The following MTHFD2L variants were observed in gnomAD, a reference collection of about 807,000 sequenced individuals.
The protein encoded by MTHFD2L is bifunctional methylenetetrahydrofolate dehydrogenase/cyclohydrolase 2, mitochondrial.
Under a neutral mutation model 34.9 loss-of-function variants are expected in MTHFD2L, and 29 were observed. The ratio of observed to expected loss-of-function variants is 0.83; its 90% confidence interval spans 0.62 to 1.13. MTHFD2L has a LOEUF of 1.13. Ranked by LOEUF, MTHFD2L falls within the 50% of genes most tolerant of loss-of-function variation. The pLI, the probability that MTHFD2L is intolerant of heterozygous loss-of-function variation, is 0.00. For missense variants in MTHFD2L, 481 were observed against 446.5 expected (o/e 1.08, Z -0.70); for synonymous variants, 167 against 155.7 (o/e 1.07, Z -0.54).
chr4:74,248,883 GGA>G (rs1255653849), intron 6 of MTHFD2L, among the ~76,000 whole-genome samples: 28 of 150,536 alleles, frequency 1.9e-4, no homozygotes, highest in African/African-American at 6.3e-4. Context: ...CATTTGCTGA[GGA>G]GAGCTTTACT....
chr4:74,154,897 C>G (rs1353231588), upstream of MTHFD2L, among the ~76,000 whole-genome samples: 1 of 152,030 alleles, frequency 6.6e-6, no homozygotes, highest in African/African-American at 2.4e-5. Context: ...GTATATGTAA[C>G]CATCTGTATT....
chr4:74,176,247 A>G (rs1272343766), intron 3 of MTHFD2L, among the ~76,000 whole-genome samples: 1 of 152,010 alleles, frequency 6.6e-6, no homozygotes, highest in African/African-American at 2.4e-5. Flanking sequence ...ATGGTCAGCT[A>G]TTTCTCCTAC....
intron 1 of MTHFD2L, among the ~76,000 whole-genome samples, chr4:74,132,744 GA>G (rs1578231810): frequency 6.6e-6 from 1 of 151,752 alleles, no homozygotes; most frequent in African/African-American, 2.4e-5. Context: ...TAATAATAAT[GA>G]AAAAAATGCT....
chr4:74,290,515 A>G lies in MTHFD2L; in HGVS notation c.931+8965A>G, dbSNP rs1216669674. 2.0e-5 allele frequency among the ~76,000 whole-genome samples: 3 copies of G among 152,266 alleles called. No individual in the cohort carries two copies. In the East Asian group the frequency reaches 5.8e-4, roughly 29 times the overall value. ...TTTCACCACTCTGAGACTCAATTAT[A>G]TCATCTGAAAGATTGTGATAATAAT... On this transcript the variant is annotated intron_variant, in intron 7 of 7. Coordinates refer to ENST00000325278, the MANE Select transcript of MTHFD2L (RefSeq NM_001144978.3).
intron 7 of MTHFD2L, among the ~76,000 whole-genome samples, chr4:74,284,002 G>C (rs895556330): frequency 2.0e-5 from 3 of 152,150 alleles, no homozygotes; most frequent in African/African-American, 4.8e-5. Flanking sequence ...AAGTGTGGTG[G>C]CTGCTTTGTG....
intron 3 of MTHFD2L, chr4:74,194,771 G>T (rs1018347231): frequency 6.6e-6 from 1 of 152,288 alleles, no homozygotes; most frequent in East Asian, 1.9e-4. Flanking sequence ...CTCGAACCAT[G>T]TTCAAATAAG....
intron 6 of MTHFD2L, among the ~76,000 whole-genome samples, chr4:74,230,942 A>C (rs1413960139): frequency 6.6e-6 from 1 of 152,254 alleles, no homozygotes; most frequent in African/African-American, 2.4e-5. Context: ...GTAAACTCTG[A>C]AACTATATTC....
At chr4:74,266,000 A>G (rs557210953) in intron 6 of MTHFD2L, among the ~76,000 whole-genome samples, 42 of 152,280 alleles carry the variant, frequency 2.8e-4, no homozygotes, top group African/African-American at 9.4e-4. Flanking sequence ...TATGTGTTAG[A>G]TTCTGATATT....
chr4:74,257,255 A>C (rs537488514), intron 6 of MTHFD2L, among the ~76,000 whole-genome samples: 1 of 152,230 alleles, frequency 6.6e-6, no homozygotes, highest in South Asian at 2.1e-4. Context: ...CTTGGTTCTC[A>C]GCTTGAATGT....
intron 3 of MTHFD2L, among the ~76,000 whole-genome samples, chr4:74,191,988 G>A (rs1469167303): frequency 1.3e-5 from 2 of 152,036 alleles, no homozygotes; most frequent in Non-Finnish European, 2.9e-5. Context: ...CTATAAATTA[G>A]GGTTAATAGT....
intron 7 of MTHFD2L, among the ~76,000 whole-genome samples, chr4:74,284,294 A>G (rs1031320266): frequency 9.9e-5 from 15 of 152,172 alleles, no homozygotes; most frequent in African/African-American, 2.7e-4. Flanking sequence ...AGGGCAAAGG[A>G]TAAAATGTTG....
At chr4:74,146,320 T>C (rs1283841175) in intron 1 of MTHFD2L, among the ~76,000 whole-genome samples, 1 of 152,174 alleles carries the variant, frequency 6.6e-6, no homozygotes, top group Non-Finnish European at 1.5e-5. Flanking sequence ...CCTAAGTTAT[T>C]AAAAAATTAT....
intron 1 of MTHFD2L, chr4:74,160,272 C>G (rs1725141132): frequency 1.6e-5 from 6 of 365,690 alleles, no homozygotes; most frequent in South Asian, 1.1e-4. Context: ...TTGATAAACT[C>G]TTATCCCAGT....
intron 5 of MTHFD2L, among the ~76,000 whole-genome samples, chr4:74,214,189 A>G (rs1736810272): frequency 6.6e-6 from 1 of 151,750 alleles, no homozygotes; most frequent in African/African-American, 2.4e-5. Flanking sequence ...GTTATTACCC[A>G]CCTTCTGAAG....
rs1369222943 is a variant in MTHFD2L, at chr4:74,217,555, A to AATGACTCAG, written c.713-7744_713-7736dup. ...CCGTGACATGAACTAATATATTGGG[A>AATGACTCAG]ATGACTCAGATTTTCCGTATCCCGA... On this transcript the variant is annotated intron_variant, in intron 5 of 7. Coordinates refer to ENST00000325278, the MANE Select transcript of MTHFD2L (RefSeq NM_001144978.3). Among the ~76,000 whole-genome samples the AATGACTCAG allele has an allele frequency of 1.1e-4, 17 of 151,648 alleles. 2 individuals are homozygous for AATGACTCAG. Among genetic ancestry groups the AATGACTCAG allele is most frequent in the African/African-American group, 2.4e-4 (10 of 41,034 alleles).
chr4:74,176,675 C>T (rs1729111552), intron 3 of MTHFD2L, among the ~76,000 whole-genome samples: 1 of 151,946 alleles, frequency 6.6e-6, no homozygotes. Flanking sequence ...GCTAGCAGCT[C>T]TTGTATAATT....
chr4:74,234,796 A>AGTGTGTGTGTGTGT (rs139133412), intron 6 of MTHFD2L, among the ~76,000 whole-genome samples: 80 of 149,536 alleles, frequency 5.3e-4, no homozygotes, highest in African/African-American at 1.8e-3. Context: ...AAAAGGAGAC[A>AGTGTGTGTGTGTGT]GTGTGTGTGT....
intron 6 of MTHFD2L, among the ~76,000 whole-genome samples, chr4:74,230,008 C>T (rs1029623401): frequency 4.6e-5 from 7 of 151,818 alleles, no homozygotes; most frequent in African/African-American, 1.7e-4. Flanking sequence ...TAGTGGTTGC[C>T]CAGTAAATGT....
chr4:74,146,853 C>T (rs889421105), intron 1 of MTHFD2L, among the ~76,000 whole-genome samples: 2 of 151,840 alleles, frequency 1.3e-5, no homozygotes, highest in African/African-American at 2.4e-5. Context: ...CTTTTTCCTC[C>T]TCTGACTGTG....
Sources: gnomAD v4.1 joint callset for allele counts (sites outside exome capture counted in the v4.1 genomes callset) on GRCh38, gnomAD v4.1.1 for gene constraint, MANE v1.5 for transcripts, NCBI Gene and HGNC (gene_info 2026-07-23, HGNC 2026-07-21) for gene names.